Variants in L3MBTL4 observed in about 807,000 individuals in gnomAD.
L3MBTL4 encodes lethal(3)malignant brain tumor-like protein 4.
L3MBTL4 carries 70 observed loss-of-function variants against 84.5 expected under a neutral mutation model. The observed-to-expected ratio is 0.83, with a 90% CI of 0.68 to 1.01. L3MBTL4 has a LOEUF of 1.01. Among genes scored for constraint, L3MBTL4 ranks in the 50% least tolerant of loss-of-function variants. The pLI is 0.00. For missense variants in L3MBTL4, 715 were observed against 754.8 expected, an observed-to-expected ratio of 0.95 and a Z score of 0.62; for synonymous variants, 274 against 259.8, an observed-to-expected ratio of 1.05 and a Z score of -0.52.
At chr18:6,037,803 T>A (rs1295697413) in intron 16 of L3MBTL4, among the ~76,000 whole-genome samples, 4 of 152,222 alleles carry the variant, frequency 2.6e-5, no homozygotes. Flanking sequence ...TCCTTCTGCA[T>A]AATGACATTT....
chr18:6,066,261 G>C (rs995704521), intron 16 of L3MBTL4, among the ~76,000 whole-genome samples: 1 of 152,062 alleles, frequency 6.6e-6, no homozygotes, highest in African/African-American at 2.4e-5. Context: ...ATTGAGACTT[G>C]TTTTATGGTC....
intron 16 of L3MBTL4, among the ~76,000 whole-genome samples, chr18:6,057,409 T>A (rs918522373): frequency 6.6e-6 from 1 of 152,174 alleles, no homozygotes; most frequent in African/African-American, 2.4e-5. Context: ...CTGGGGAAAA[T>A]TGGTTTTTAT....
chr18:5,961,017 C>G (rs2095260767), intron 17 of L3MBTL4, among the ~76,000 whole-genome samples: 1 of 152,198 alleles, frequency 6.6e-6, no homozygotes, highest in South Asian at 2.1e-4. Context: ...AGTCCTGTCG[C>G]AGCAGGGGAT....
At chr18:6,304,341 G>A (rs1167389359) in intron 3 of L3MBTL4, among the ~76,000 whole-genome samples, 1 of 152,198 alleles carries the variant, frequency 6.6e-6, no homozygotes, top group Non-Finnish European at 1.5e-5. Flanking sequence ...GGTTCAAGAA[G>A]AGTGCTTTTC....
intron 4 of L3MBTL4, among the ~76,000 whole-genome samples, chr18:6,281,175 A>T (rs916062555): frequency 6.6e-6 from 1 of 152,224 alleles, no homozygotes; most frequent in Non-Finnish European, 1.5e-5. Flanking sequence ...TGCCTGAAAA[A>T]TAAAAAGTAA....
chr18:5,966,888 T>C (rs2052378106), intron 17 of L3MBTL4, among the ~76,000 whole-genome samples: 2 of 132,574 alleles, frequency 1.5e-5, no homozygotes. Context: ...TCTCACTTTT[T>C]CTTCTTCTAT....
intron 18 of L3MBTL4, among the ~76,000 whole-genome samples, chr18:5,959,665 T>A (rs150708599): frequency 6.6e-6 from 1 of 152,068 alleles, no homozygotes; most frequent in East Asian, 1.9e-4. Flanking sequence ...CCAGGTGCAA[T>A]CCCAAGGGAG....
At chr18:6,370,040 A>G (rs750099127) in intron 1 of L3MBTL4, among the ~76,000 whole-genome samples, 24 of 151,464 alleles carry the variant, frequency 1.6e-4, no homozygotes, top group Non-Finnish European at 2.8e-4. Flanking sequence ...AGGCTGAGGC[A>G]CGAGAATTGC....
chr18:6,222,564 C>T (rs1252235389), intron 10 of L3MBTL4, among the ~76,000 whole-genome samples: 1 of 152,132 alleles, frequency 6.6e-6, no homozygotes, highest in African/African-American at 2.4e-5. Context: ...AGTTCTATTT[C>T]TCTCTGTCTC....
chr18:6,241,331 AT>A, intron 8 of L3MBTL4, 26 bp downstream of exon 8: 1 of 1,311,290 alleles, frequency 7.6e-7, no homozygotes, highest in Non-Finnish European at 1.1e-6. Flanking sequence ...GGGAAATTTG[AT>A]TTATGCTGGG....
intron 12 of L3MBTL4, among the ~76,000 whole-genome samples, chr18:6,209,004 C>T (rs528142576): frequency 1.3e-5 from 2 of 152,160 alleles, no homozygotes; most frequent in African/African-American, 2.4e-5. Flanking sequence ...TTGGATGAGG[C>T]TGCTCATGGT....
chr18:6,239,950 T>C lies in L3MBTL4; in HGVS notation c.553-78A>G, dbSNP rs2047386228. On this transcript the variant is annotated intron_variant, in intron 8 of 18. Coordinates refer to ENST00000317931, the MANE Select transcript of L3MBTL4 (RefSeq NM_001330559.2). The stretch of plus-strand genomic sequence containing the variant: ...AGGACTGAGCCACTGTCAAAACTTC[T>C]ATGTTTAGCAACAGCAAAGTCTACA... The C allele has an allele frequency of 6.7e-6, 10 of 1,499,546 alleles. No individual in the cohort carries two copies. The South Asian group carries it at 1.2e-4, about 17-fold the overall frequency. 92.9% of individuals were successfully genotyped at this position (1,499,546 alleles called of 1,614,324 possible).
intron 1 of L3MBTL4, among the ~76,000 whole-genome samples, chr18:6,399,237 A>G (rs1257507392): frequency 1.3e-5 from 2 of 152,190 alleles, no homozygotes; most frequent in Non-Finnish European, 2.9e-5. Context: ...CAGGCGTTCA[A>G]GACCAGCCTG....
chr18:6,350,449 C>T (rs1195414403), intron 1 of L3MBTL4, among the ~76,000 whole-genome samples: 2 of 151,626 alleles, frequency 1.3e-5, no homozygotes, highest in Non-Finnish European at 2.9e-5. Flanking sequence ...CTTGAACAGA[C>T]ATTTCTCCAA....
At chr18:5,997,271 T>C (rs1275851706) in intron 16 of L3MBTL4, among the ~76,000 whole-genome samples, 2 of 150,540 alleles carry the variant, frequency 1.3e-5, no homozygotes, top group Non-Finnish European at 2.9e-5. Flanking sequence ...AGCTGTGAAC[T>C]ATGTCAGGCA....
At chr18:6,281,780 A>G (rs1427396526) in intron 4 of L3MBTL4, among the ~76,000 whole-genome samples, 1 of 152,248 alleles carries the variant, frequency 6.6e-6, no homozygotes, top group East Asian at 1.9e-4. Context: ...AATGAAGACA[A>G]CTACAGGTAA....
At chr18:5,972,978 G>A (rs186366284) in intron 16 of L3MBTL4, among the ~76,000 whole-genome samples, 9 of 150,094 alleles carry the variant, frequency 6.0e-5, no homozygotes, top group Non-Finnish European at 8.9e-5. Context: ...AGAATAGAAC[G>A]GAGTAAGAGC....
intron 10 of L3MBTL4, among the ~76,000 whole-genome samples, chr18:6,216,217 GA>G (rs138594944): frequency 6.6e-6 from 1 of 151,316 alleles, no homozygotes; most frequent in South Asian, 2.1e-4. Context: ...CCATGAATTG[GA>G]AAAAAAAGAC....
intron 1 of L3MBTL4, among the ~76,000 whole-genome samples, chr18:6,340,107 T>C (rs1044007532): frequency 1.3e-5 from 2 of 152,158 alleles, no homozygotes; most frequent in African/African-American, 2.4e-5. Context: ...AAGAACATTA[T>C]GAGAAAATTA....
Sources: allele counts gnomAD v4.1 joint callset (sites outside exome capture counted in the v4.1 genomes callset), GRCh38; gene constraint gnomAD v4.1.1; transcripts MANE v1.5; gene names NCBI Gene and HGNC (gene_info 2026-07-23, HGNC 2026-07-21).